The following RAB40B variants were observed in gnomAD, a reference collection of about 807,000 sequenced individuals.
The protein encoded by RAB40B is RAB40B, member RAS oncogene family.
In RAB40B, 21 loss-of-function variants were observed where a neutral mutation model predicts 24.0. The ratio of observed to expected loss-of-function variants is 0.88; its 90% CI spans 0.62 to 1.26. RAB40B has a LOEUF of 1.26. RAB40B is among the 50% of genes most tolerant of loss of function. RAB40B has a pLI of 0.00. For synonymous variants in RAB40B, 167 were observed against 169.8 expected (o/e 0.98, Z 0.13); for missense variants, 348 against 390.5 (o/e 0.89, Z 0.92).
At chr17:82,688,789 C>A (rs1295062736) in intron 1 of RAB40B, among the ~76,000 whole-genome samples, 2 of 152,092 alleles carry the variant, frequency 1.3e-5, no homozygotes, top group Non-Finnish European at 2.9e-5. Flanking sequence ...CAAAAATTAG[C>A]CGGGCATGGT....
chr17:82,686,683 C>T (rs890977287), intron 1 of RAB40B, among the ~76,000 whole-genome samples: 6 of 152,226 alleles, frequency 3.9e-5, no homozygotes, highest in African/African-American at 1.4e-4. Context: ...CAGGCAACAC[C>T]TTCATTCTGG....
Position 82,675,767 on chromosome 17 carries a change from A to G in RAB40B, c.143-11211T>C, listed in dbSNP as rs2046388073. Reference sequence around the variant, plus strand: ...GCCCCACGTGACCTAATCATCTTCCAATAGCCCCATCTTCTAACACCATCA... The same window carrying G: ...GCCCCACGTGACCTAATCATCTTCCGATAGCCCCATCTTCTAACACCATCA... On this transcript the variant is annotated intron_variant, in intron 1 of 5. Transcript: ENST00000571995. This position sits in a 1 kb window ranked among gnomAD's most constrained non-coding sequence, Gnocchi z 4.5. Among the ~76,000 whole-genome samples, 2 of 152,116 alleles carry G rather than the reference A, an allele frequency of 1.3e-5. No individual in the cohort carries two copies. The highest frequency in any genetic ancestry group is 4.1e-4 in the South Asian group (2 of 4,830).
At chr17:82,664,814 C>A (rs2143472381) in intron 1 of RAB40B, 1 of 436,722 alleles carries the variant, frequency 2.3e-6, no homozygotes, top group Non-Finnish European at 4.2e-6. Context: ...CAGGGGGCTC[C>A]CCGACAGGCA....
intron 1 of RAB40B, among the ~76,000 whole-genome samples, 200 bp downstream of exon 1, chr17:82,698,255 C>T (rs1209957300): frequency 2.6e-5 from 4 of 151,854 alleles, no homozygotes; most frequent in African/African-American, 9.7e-5. Context: ...GAAAGGCCCG[C>T]CCGCGAACCG....
intron 3 of RAB40B, 111 bp downstream of exon 3, chr17:82,660,876 A>G (rs780381604): frequency 7.8e-5 from 107 of 1,371,204 alleles, no homozygotes; most frequent in Non-Finnish European, 9.4e-5. Flanking sequence ...TTTATACGTA[A>G]GCTTAACCGC....
At chr17:82,695,869 A>G (rs1309621359) in intron 1 of RAB40B, among the ~76,000 whole-genome samples, 1 of 152,012 alleles carries the variant, frequency 6.6e-6, no homozygotes, top group Non-Finnish European at 1.5e-5. Flanking sequence ...GTAGACAATA[A>G]AGCTCTTGAT....
At chr17:82,691,668 C>A (rs548658532) in intron 1 of RAB40B, among the ~76,000 whole-genome samples, 5 of 152,004 alleles carry the variant, frequency 3.3e-5, no homozygotes, top group Non-Finnish European at 7.4e-5. Flanking sequence ...GGCGACAGAG[C>A]GAGACTCCAT....
intron 1 of RAB40B, among the ~76,000 whole-genome samples, chr17:82,670,534 A>ATTTT (rs200923067): frequency 1.5e-5 from 2 of 129,790 alleles, no homozygotes; most frequent in African/African-American, 5.8e-5. Flanking sequence ...AGAATTCCTG[A>ATTTT]TTTTTTTTTT....
At chr17:82,695,170 C>A (rs974700753) in intron 1 of RAB40B, among the ~76,000 whole-genome samples, 1 of 150,232 alleles carries the variant, frequency 6.7e-6, no homozygotes, top group Non-Finnish European at 1.5e-5. Context: ...GTTACGAACG[C>A]CCTCATCTTT....
chr17:82,657,614 A>G lies in RAB40B; in HGVS notation c.*249T>C, dbSNP rs1305845098. 1.6e-6 allele frequency: 1 copy of G among 619,224 alleles called. No homozygotes were observed. The highest frequency in any genetic ancestry group is 2.2e-5 in the Admixed American group (1 of 44,784). 38.4% of individuals were successfully genotyped at this position (619,224 alleles called of 1,614,324 possible). ...AAAGTAACATTCAGAATTTCATGTT[A>G]CCAAGAGTCGAGCAGAGTACTAATT... On this transcript the variant is annotated 3_prime_UTR_variant, in exon 6 of 6. Transcript: ENST00000571995.
At chr17:82,683,121 C>G (rs1274020139) in intron 1 of RAB40B, among the ~76,000 whole-genome samples, 4 of 152,132 alleles carry the variant, frequency 2.6e-5, no homozygotes, top group Non-Finnish European at 4.4e-5. Context: ...CCAGCCTGGG[C>G]TACAGAGTGA....
At chr17:82,658,216 C>T in intron 5 of RAB40B, 82 bp from the exon 6 acceptor site, 1 of 1,535,964 alleles carries the variant, frequency 6.5e-7, no homozygotes, top group Non-Finnish European at 8.8e-7. Flanking sequence ...CACCTGTTCT[C>T]CCGCCCTCCC....
chr17:82,678,581 T>A (rs1041703672), intron 1 of RAB40B, among the ~76,000 whole-genome samples: 1 of 152,216 alleles, frequency 6.6e-6, no homozygotes, highest in African/African-American at 2.4e-5. Flanking sequence ...GAGGATCTGT[T>A]GATGGTGCAA....
At chr17:82,658,979 C>T (rs1423718175) in intron 4 of RAB40B, 2 of 458,046 alleles carry the variant, frequency 4.4e-6, no homozygotes, top group African/African-American at 1.9e-5. Context: ...TACGCGAAGG[C>T]AGAGGCTGGA....
chr17:82,662,164 A>G (rs1208883216), intron 2 of RAB40B: 3 of 985,454 alleles, frequency 3.0e-6, no homozygotes, highest in Non-Finnish European at 3.6e-6. Context: ...TCAGCACGAG[A>G]GAGAAGGGCC....
chr17:82,684,237 A>AAC (rs2046474535), intron 1 of RAB40B, among the ~76,000 whole-genome samples: 1 of 151,382 alleles, frequency 6.6e-6, no homozygotes, highest in Non-Finnish European at 1.5e-5. Flanking sequence ...AAAAAAAAAA[A>AAC]ATTACAATGA....
intron 1 of RAB40B, among the ~76,000 whole-genome samples, chr17:82,678,305 G>A (rs990603082): frequency 5.3e-5 from 8 of 152,022 alleles, no homozygotes; most frequent in Non-Finnish European, 1.2e-4. Flanking sequence ...AACTTACCAT[G>A]TACTCTGTCC....
chr17:82,695,544 T>TAA (rs79533384), intron 1 of RAB40B, among the ~76,000 whole-genome samples: 54 of 133,752 alleles, frequency 4.0e-4, no homozygotes, highest in Admixed American at 7.5e-4. Context: ...AACATGTCAT[T>TAA]AAAAAAAAAA....
At chr17:82,694,586 G>A (rs1280928530) in intron 1 of RAB40B, among the ~76,000 whole-genome samples, 2 of 151,154 alleles carry the variant, frequency 1.3e-5, no homozygotes, top group African/African-American at 4.9e-5. Context: ...GAAACTCAAA[G>A]AGTACGTTCA....
Sources: allele counts gnomAD v4.1 joint callset (sites outside exome capture counted in the v4.1 genomes callset), GRCh38; gene constraint gnomAD v4.1.1; non-coding constraint Gnocchi (gnomAD v3.1); transcripts MANE v1.5; gene names NCBI Gene and HGNC (gene_info 2026-07-23, HGNC 2026-07-21).